PRPF31: variants seen among roughly 807,000 people sequenced by gnomAD.
PRPF31 encodes pre-mRNA processing factor 31, also known as U4/U6 small nuclear ribonucleoprotein Prp31.
A neutral mutation model predicts 60.4 loss-of-function variants in PRPF31; 12 were observed. The observed-to-expected ratio is 0.20, with a 90% confidence interval of 0.13 to 0.32. PRPF31 has a LOEUF of 0.32. Ranked by LOEUF, PRPF31 falls within the 10% of genes least tolerant of loss-of-function variation. The probability of loss-of-function intolerance (pLI) is 1.00; values close to 1 mark genes in which losing one functional copy is unlikely to be tolerated. For synonymous variants in PRPF31, 287 were observed against 287.9 expected (o/e 1.00, Z 0.03); for missense variants, 431 against 687.1 (o/e 0.63, Z 4.17).
chr19:54,130,183 C>T (rs1464685986), intron 13 of PRPF31, among the ~76,000 whole-genome samples: 12 of 138,506 alleles, frequency 8.7e-5, no homozygotes, highest in Non-Finnish European at 1.4e-4. Context: ...CCAGGCCGGG[C>T]GCAGACAGCT....
chr19:54,122,547 C>T lies in PRPF31; in HGVS notation c.373C>T (p.Leu125=). The stretch of plus-strand genomic sequence containing the variant: ...TAAGTACTCAAAGAGATTCCCTGAA[C>T]TGGAGTCCTTGGTCCCCAATGCACT... ...RDKYSKRFPE[L]ESLVPNALDY... The change falls in exon 5 of 14, where the codon CTG becomes TTG. Residue 125 remains leucine (L), a synonymous_variant. Coordinates refer to ENST00000321030, the MANE Select transcript of PRPF31 (RefSeq NM_015629.4). The T allele has an allele frequency of 3.7e-6, 6 of 1,614,224 alleles. No homozygotes were observed. The highest frequency in any genetic ancestry group is 5.1e-6 in the Non-Finnish European group (6 of 1,180,024).
At position 54,123,635 on chromosome 19, in the gene PRPF31, C is replaced by T. The variant is rs587722330; in HGVS notation, c.527+75C>T. The stretch of plus-strand genomic sequence containing the variant: ...GGCTGGAGCTACACACGCAGGTGTA[C>T]ACACGCACACACACATACACACATG... On this transcript the variant is annotated intron_variant, in intron 6 of 13. Coordinates refer to ENST00000321030, the MANE Select transcript of PRPF31 (RefSeq NM_015629.4). 2.5e-6 allele frequency: 4 copies of T among 1,600,484 alleles called. No homozygotes were observed. In the East Asian group the frequency reaches 9.0e-5, roughly 36 times the overall value.
At chr19:54,131,200 C>T in intron 13 of PRPF31, 107 bp from the exon 14 acceptor site, 1 of 1,487,010 alleles carries the variant, frequency 6.7e-7, no homozygotes, top group Non-Finnish European at 9.4e-7. Flanking sequence ...TGTCTCATGC[C>T]CACCAAGGCC....
At chr19:54,126,236 G>A (rs2073916739) in intron 8 of PRPF31, among the ~76,000 whole-genome samples, 2 of 152,202 alleles carry the variant, frequency 1.3e-5, no homozygotes, top group South Asian at 2.1e-4. Context: ...CATCCAGGCC[G>A]AGTGCACTCC....
rs1555792899 is a variant in PRPF31, at chr19:54,123,855, A to G, written c.634A>G (p.Met212Val). 6.2e-7 allele frequency: 1 copy of G among 1,613,950 alleles called. No individual in the cohort carries two copies. The highest frequency in any genetic ancestry group is 2.2e-5 in the East Asian group (1 of 44,864). Residue 212 changes from methionine (M) to valine (V), a missense_variant, in exon 7 of 14, where the codon ATG becomes GTG. By Grantham distance (21) the Met-to-Val change is conservative. Coordinates refer to ENST00000321030, the MANE Select transcript of PRPF31 (RefSeq NM_015629.4). ...CATCTACGAGTATGTGGAGTCCCGG[A>G]TGTCCTTCATCGCACCCAACCTGTC... The part of the protein sequence containing the change: ...HRIYEYVESR[M>V]SFIAPNLSII...
rs377403063 is a variant in PRPF31, at chr19:54,118,723, CCTT to C, written c.238+93_238+95del. ...TGGCTGCTTGTGGCTGGGTATATCT[CCTT>C]CTCAGCCTTTTCCAGAGCCTTCTTT... On this transcript the variant is annotated intron_variant, in intron 3 of 13. Coordinates refer to ENST00000321030, the MANE Select transcript of PRPF31 (RefSeq NM_015629.4). 1.3e-4 allele frequency: 169 copies of C among 1,273,818 alleles called. 1 individual carries two copies. In the East Asian group the frequency reaches 3.3e-3, roughly 25 times the overall value. The allele number at this position is 1,273,818 out of a possible 1,614,324, so 78.9% of individuals were successfully genotyped here.
In PRPF31 at chr19:54,131,610, C is replaced by G; in HGVS notation, c.*178C>G. 3 of 899,498 alleles carry G rather than the reference C, an allele frequency of 3.3e-6. No individual in the cohort carries two copies. The highest frequency in any genetic ancestry group is 5.2e-6 in the Non-Finnish European group (3 of 573,096). 55.7% of individuals were successfully genotyped at this position (899,498 alleles called of 1,614,324 possible). On this transcript the variant is annotated 3_prime_UTR_variant, in exon 14 of 14. Transcript: ENST00000321030. ...GCCTGGCCTCCCCCAGGACCGAGATCACCGCCCAGTATGGGCTAGAGCAGG... is the reference window on the plus strand; with the variant it reads ...GCCTGGCCTCCCCCAGGACCGAGATGACCGCCCAGTATGGGCTAGAGCAGG...
At chr19:54,123,204 T>A in intron 5 of PRPF31, 1 of 592,884 alleles carries the variant, frequency 1.7e-6, no homozygotes, top group African/African-American at 1.9e-5. Flanking sequence ...CCACAGTCTT[T>A]CCAGACGCCA....
At chr19:54,123,346 G>C in intron 5 of PRPF31, 108 bp from the exon 6 acceptor site, 1 of 861,536 alleles carries the variant, frequency 1.2e-6, no homozygotes, top group Non-Finnish European at 2.0e-6. Context: ...CAGAGACCCT[G>C]ACTGTCCCAG....
At chr19:54,129,926 T>C (rs587626518) in intron 13 of PRPF31, among the ~76,000 whole-genome samples, 4 of 152,182 alleles carry the variant, frequency 2.6e-5, no homozygotes, top group African/African-American at 9.6e-5. Context: ...ACGCAGCACC[T>C]GCTGAGTTCT....
chr19:54,124,667 T>G lies in PRPF31; in HGVS notation c.855+11T>G, dbSNP rs1322571806. The G allele has an allele frequency of 6.2e-7, 1 of 1,611,550 alleles. No individual in the cohort carries two copies. The highest frequency in any genetic ancestry group is 1.3e-5 in the African/African-American group (1 of 74,940). ...CAGTCCCTGCCACCGGTGAGCCCAC[T>G]GCGTCATGGCCCCTCCCCCGGCCCC... On this transcript the variant is annotated intron_variant, in intron 8 of 13. Transcript: ENST00000321030.
chr19:54,123,883 T>C lies in PRPF31; in HGVS notation c.662T>C (p.Ile221Thr). 1 of 1,613,968 alleles carries C rather than the reference T, an allele frequency of 6.2e-7. No homozygotes were observed. Among genetic ancestry groups the C allele is most frequent in the East Asian group, 2.2e-5 (1 of 44,876 alleles). The part of the protein sequence containing the change: ...RMSFIAPNLS[I>T]IIGASTAAKI... ...TCCTTCATCGCACCCAACCTGTCCA[T>C]CATTATCGGGGCATCCACGGCCGCC... The change falls in exon 7 of 14, where the codon ATC becomes ACC. Residue 221 changes from isoleucine to threonine, a missense_variant. By Grantham distance (89) the Ile-to-Thr change is moderately conservative. This residue lies in a region of PRPF31 where 314 missense variants were observed against 475.3 expected (regional missense o/e 0.66). Coordinates refer to ENST00000321030, the MANE Select transcript of PRPF31 (RefSeq NM_015629.4).
intron 1 of PRPF31, among the ~76,000 whole-genome samples, chr19:54,116,464 C>T (rs2073642241): frequency 6.6e-6 from 1 of 152,180 alleles, no homozygotes; most frequent in Non-Finnish European, 1.5e-5. Context: ...CCTGGGCCTC[C>T]CAAAGTGCTG....
At chr19:54,118,697 C>G in intron 3 of PRPF31, 64 bp downstream of exon 3, 1 of 1,553,276 alleles carries the variant, frequency 6.4e-7, no homozygotes, top group Non-Finnish European at 8.9e-7. Context: ...CCCTGGCTCC[C>G]TGGCTGCTTG....
chr19:54,128,557 C>T (rs587629159), intron 11 of PRPF31, among the ~76,000 whole-genome samples, 180 bp downstream of exon 11: 10 of 138,816 alleles, frequency 7.2e-5, no homozygotes, highest in South Asian at 6.3e-4. Context: ...AAGCGACCCT[C>T]GCGACCCTTG....
At chr19:54,117,933 G>T (rs2073690260) in intron 1 of PRPF31, among the ~76,000 whole-genome samples, 1 of 152,154 alleles carries the variant, frequency 6.6e-6, no homozygotes, top group South Asian at 2.1e-4. Flanking sequence ...ACAGTATCTA[G>T]TGGGAAAGGA....
At chr19:54,127,314 C>T (rs1242547333) in intron 9 of PRPF31, among the ~76,000 whole-genome samples, 1 of 152,110 alleles carries the variant, frequency 6.6e-6, no homozygotes, top group East Asian at 1.9e-4. Context: ...GGCCCTCCCT[C>T]TGTCTGCGGA....
intron 11 of PRPF31, 62 bp from the exon 12 acceptor site, chr19:54,128,995 C>T: frequency 1.3e-6 from 2 of 1,505,344 alleles, no homozygotes; most frequent in Non-Finnish European, 1.8e-6. Context: ...GGAGGGGGTG[C>T]CTCGGTGGCT....
intron 5 of PRPF31, 164 bp from the exon 6 acceptor site, chr19:54,123,290 A>C (rs1203140999): frequency 2.9e-6 from 2 of 688,010 alleles, no homozygotes; most frequent in African/African-American, 3.5e-5. Context: ...GGAGGCAGGA[A>C]TGGTGTGGAT....
Sources: allele counts gnomAD v4.1 joint callset (sites outside exome capture counted in the v4.1 genomes callset), GRCh38; gene constraint gnomAD v4.1.1; regional missense constraint gnomAD v4.1.1; transcripts MANE v1.5; gene names NCBI Gene and HGNC (gene_info 2026-07-23, HGNC 2026-07-21).